OSBPL9: variants seen among roughly 807,000 people sequenced by gnomAD.
OSBPL9 encodes the protein oxysterol binding protein like 9.
A neutral mutation model predicts 106.6 loss-of-function variants in OSBPL9; 40 were observed. That is an observed-to-expected ratio of 0.38 (90% CI 0.29 to 0.49). The LOEUF (loss-of-function observed/expected upper bound fraction) is 0.49. OSBPL9 is among the 20% of genes least tolerant of loss of function. The probability of loss-of-function intolerance (pLI) is 0.97; values close to 1 mark genes in which losing one functional copy is unlikely to be tolerated. For synonymous variants in OSBPL9, 269 were observed against 295.4 expected (o/e 0.91, Z 0.92); for missense variants, 609 against 887.2 (o/e 0.69, Z 3.98).
At chr1:51,763,093 C>G (rs1479630482) in intron 11 of OSBPL9, among the ~76,000 whole-genome samples, 1 of 152,204 alleles carries the variant, frequency 6.6e-6, no homozygotes, top group African/African-American at 2.4e-5. Flanking sequence ...GCACCCTCCA[C>G]TTCCTGGGTT....
At chr1:51,596,649 A>G (rs1645301270) in intron 1 of OSBPL9, among the ~76,000 whole-genome samples, 1 of 150,846 alleles carries the variant, frequency 6.6e-6, no homozygotes, top group South Asian at 2.1e-4. Context: ...GCATGGTGGC[A>G]TGTGCCTGTA....
chr1:51,519,206 A>T, the OSBPL9 span: 1 of 1,400,622 alleles, frequency 7.1e-7, no homozygotes, highest in Non-Finnish European at 9.4e-7. Flanking sequence ...TACCTGTGTC[A>T]GAGAGAGCTG....
chr1:51,785,796 T>C lies in OSBPL9; in HGVS notation c.1830-12T>C. On this transcript the variant is annotated splice_polypyrimidine_tract_variant and intron_variant, in intron 20 of 23. Coordinates refer to ENST00000428468, the MANE Select transcript of OSBPL9 (RefSeq NM_024586.6). ...ACTTGAGACTAACACAAGTATTTCCTTTTCTGTTCAGTTCTCCAAATGACA... is the reference window on the plus strand; with the variant it reads ...ACTTGAGACTAACACAAGTATTTCCCTTTCTGTTCAGTTCTCCAAATGACA... 1 of 1,611,464 alleles carries C rather than the reference T, an allele frequency of 6.2e-7. No individual in the cohort carries two copies.
chr1:51,725,251 G>A (rs1314669634), intron 4 of OSBPL9, among the ~76,000 whole-genome samples: 2 of 151,618 alleles, frequency 1.3e-5, no homozygotes, highest in Non-Finnish European at 2.9e-5. Flanking sequence ...TTCTGTTACA[G>A]TCTTTTTGAT....
the OSBPL9 span, among the ~76,000 whole-genome samples, chr1:51,554,002 G>C: frequency 7.5e-3 from 1,144 of 152,268 alleles, 15 homozygotes; most frequent in African/African-American, 0.026. Flanking sequence ...TTTTAAGTTA[G>C]CTGGATGTGG....
chr1:51,678,929 A>C (rs1651915652), intron 3 of OSBPL9, among the ~76,000 whole-genome samples: 4 of 152,234 alleles, frequency 2.6e-5, no homozygotes, highest in African/African-American at 9.6e-5. Context: ...CATTATCAGT[A>C]GGACTGTTGA....
chr1:51,771,895 A>G (rs74850785), intron 12 of OSBPL9, among the ~76,000 whole-genome samples, 175 bp from the exon 13 acceptor site: 1,951 of 152,344 alleles, frequency 0.013, 40 homozygotes, highest in African/African-American at 0.042. Flanking sequence ...TTGACTATCA[A>G]CATGGCTTTG....
chr1:51,662,813 C>T (rs1392193289), intron 2 of OSBPL9, among the ~76,000 whole-genome samples: 6 of 145,062 alleles, frequency 4.1e-5, no homozygotes, highest in Non-Finnish European at 5.9e-5. Context: ...GGCGTGATCT[C>T]GGCTCACTGT....
chr1:51,540,999 C>T, the OSBPL9 span, among the ~76,000 whole-genome samples: 13 of 149,670 alleles, frequency 8.7e-5, no homozygotes, highest in Non-Finnish European at 1.5e-4. Context: ...GGCATGGTGG[C>T]GCGCACCTGC....
At chr1:51,742,563 C>T (rs565095278) in intron 4 of OSBPL9, among the ~76,000 whole-genome samples, 78 of 150,742 alleles carry the variant, frequency 5.2e-4, no homozygotes, top group African/African-American at 1.9e-3. Context: ...GACCCTGTCT[C>T]CACAAAAAAA....
the OSBPL9 span, among the ~76,000 whole-genome samples, chr1:51,529,553 G>C: frequency 1.3e-5 from 2 of 151,898 alleles, no homozygotes; most frequent in African/African-American, 4.8e-5. Flanking sequence ...CAAAGGTATA[G>C]TAGTCAAGAT....
At chr1:51,750,251 G>A (rs1668955934) in intron 8 of OSBPL9, 56 bp downstream of exon 8, 14 of 1,323,072 alleles carry the variant, frequency 1.1e-5, no homozygotes, top group Non-Finnish European at 1.5e-5. Context: ...AATTATAATG[G>A]CGTTTTTCTT....
At chr1:51,735,224 T>G (rs1433056754) in intron 4 of OSBPL9, among the ~76,000 whole-genome samples, 1 of 152,246 alleles carries the variant, frequency 6.6e-6, no homozygotes, top group African/African-American at 2.4e-5. Context: ...GTGACTGTTT[T>G]ACAGCCGTCC....
At chr1:51,700,320 A>C (rs951275911) in intron 3 of OSBPL9, among the ~76,000 whole-genome samples, 5 of 152,130 alleles carry the variant, frequency 3.3e-5, no homozygotes, top group Non-Finnish European at 2.9e-5. Flanking sequence ...CACCCTACTC[A>C]GGCTCTAATG....
At chr1:51,595,171 C>G (rs941150075) in intron 1 of OSBPL9, among the ~76,000 whole-genome samples, 9 of 152,248 alleles carry the variant, frequency 5.9e-5, no homozygotes, top group African/African-American at 2.2e-4. Context: ...CGCCGGAGGA[C>G]TGAGGAGCTA....
chr1:51,616,830 T>C (rs1385225922), upstream of OSBPL9: 2 of 315,078 alleles, frequency 6.3e-6, no homozygotes, highest in Non-Finnish European at 5.8e-6. Flanking sequence ...AATTATTTAT[T>C]AATATGTTCA....
At chr1:51,730,156 T>C (rs2148938583) in intron 4 of OSBPL9, 1 of 1,243,244 alleles carries the variant, frequency 8.0e-7, no homozygotes, top group East Asian at 3.2e-5. Context: ...CCCGGGCCCC[T>C]CTTCCTTGGG....
Position 51,663,782 on chromosome 1 carries a change from ACTC to A in OSBPL9, c.163-5649_163-5647del, listed in dbSNP as rs1272507701. Among the ~76,000 whole-genome samples the A allele has an allele frequency of 3.4e-4, 52 of 152,306 alleles. 1 individual carries two copies. The highest frequency in any genetic ancestry group is 1.2e-3 in the African/African-American group (51 of 41,574). ...GGCTCATACCCATGATATAGAAAGAACTCCTACAAGTCATTAGAAAAAGATAGT... is the reference window on the plus strand; with the variant it reads ...GGCTCATACCCATGATATAGAAAGAACTACAAGTCATTAGAAAAAGATAGT... On this transcript the variant is annotated intron_variant, in intron 2 of 23. Transcript: ENST00000428468.
chr1:51,629,627 G>T (rs1202599306), intron 1 of OSBPL9, among the ~76,000 whole-genome samples: 1 of 152,104 alleles, frequency 6.6e-6, no homozygotes, highest in Non-Finnish European at 1.5e-5. Context: ...CTGACAAAAG[G>T]CAGATTCATA....
Sources: gnomAD v4.1 joint callset for allele counts (sites outside exome capture counted in the v4.1 genomes callset) on GRCh38, gnomAD v4.1.1 for gene constraint, MANE v1.5 for transcripts, NCBI Gene and HGNC (gene_info 2026-07-23, HGNC 2026-07-21) for gene names.